Variants in IQCJ observed in about 807,000 individuals in gnomAD.
The protein encoded by IQCJ is IQ motif containing J, also known as IQ domain-containing protein J.
Under a neutral mutation model 11.0 loss-of-function variants are expected in IQCJ, and 9 were observed. The observed-to-expected ratio is 0.82, with a 90% confidence interval of 0.49 to 1.43. The LOEUF is 1.43. Among genes scored for constraint, IQCJ ranks in the 40% most tolerant of loss-of-function variants. IQCJ has a pLI of 0.00. For missense variants in IQCJ, 146 were observed against 133.2 expected (o/e 1.10, Z -0.47); for synonymous variants, 55 against 51.3 (o/e 1.07, Z -0.31).
At chr3:159,188,268 G>C (rs1040379466) in intron 1 of IQCJ, among the ~76,000 whole-genome samples, 6 of 152,072 alleles carry the variant, frequency 3.9e-5, no homozygotes, top group Admixed American at 3.9e-4. Context: ...AAATTAGCCG[G>C]GTGTGGTGGC....
chr3:159,176,074 A>G (rs1344124922), intron 1 of IQCJ, among the ~76,000 whole-genome samples: 2 of 152,132 alleles, frequency 1.3e-5, no homozygotes, highest in East Asian at 3.8e-4. Context: ...TTTGCCTTTA[A>G]TATAAGCTCT....
intron 1 of IQCJ, among the ~76,000 whole-genome samples, chr3:159,088,847 C>A (rs1374904367): frequency 1.3e-5 from 2 of 152,010 alleles, no homozygotes; most frequent in Non-Finnish European, 2.9e-5. Context: ...GAATACAGCA[C>A]CCTGATGGGT....
At chr3:159,257,864 C>G (rs144288401) in intron 3 of IQCJ, among the ~76,000 whole-genome samples, 1 of 152,118 alleles carries the variant, frequency 6.6e-6, no homozygotes, top group Non-Finnish European at 1.5e-5. Flanking sequence ...TTTGCTGAAC[C>G]GTAAGGAGGG....
chr3:159,132,889 C>T (rs1454439014), intron 1 of IQCJ, among the ~76,000 whole-genome samples: 7 of 152,196 alleles, frequency 4.6e-5, no homozygotes, highest in African/African-American at 1.7e-4. Context: ...AGAAGGAAAT[C>T]TGCCTCCCTG....
chr3:159,093,375 C>T (rs1311052364), intron 1 of IQCJ, among the ~76,000 whole-genome samples: 1 of 151,852 alleles, frequency 6.6e-6, no homozygotes, highest in African/African-American at 2.4e-5. Flanking sequence ...CTTCCAACTC[C>T]TTTTGCTAAC....
In IQCJ at chr3:159,175,817, C is replaced by T. The variant is rs141272115; in HGVS notation, c.10-70026C>T. Among the ~76,000 whole-genome samples the T allele has an allele frequency of 4.5e-3, 691 of 152,254 alleles. 5 individuals carry two copies. The highest frequency in any genetic ancestry group is 0.013 in the African/African-American group (531 of 41,538). On this transcript the variant is annotated intron_variant, in intron 1 of 3. Coordinates refer to ENST00000397832, the MANE Select transcript of IQCJ (RefSeq NM_001042706.3). ...TTTACCTTACAAGTCCTTGTATGCA[C>T]TAGATAAATGTTTAGAGCTGGAACT... is the stretch of plus-strand genomic sequence containing the variant.
chr3:159,077,644 C>T (rs1265069694), intron 1 of IQCJ, among the ~76,000 whole-genome samples: 1 of 152,058 alleles, frequency 6.6e-6, no homozygotes, highest in East Asian at 1.9e-4. Context: ...TATATATTTA[C>T]ATCCATTTGC....
At chr3:159,173,272 T>A (rs939028736) in intron 1 of IQCJ, among the ~76,000 whole-genome samples, 1 of 152,198 alleles carries the variant, frequency 6.6e-6, no homozygotes, top group Non-Finnish European at 1.5e-5. Flanking sequence ...GTACCAATCA[T>A]TTTTATAGTT....
rs1027454004 is a variant in IQCJ, at chr3:159,228,728, G to A, written c.10-17115G>A. On this transcript the variant is annotated intron_variant, in intron 1 of 3. Coordinates refer to ENST00000397832, the MANE Select transcript of IQCJ (RefSeq NM_001042706.3). ...GTGGCCAGGAGAGTGGCGTGAACCC[G>A]GGAGGCGGAGCTTGCAGTGAGCCGA... is the stretch of plus-strand genomic sequence containing the variant. Among the ~76,000 whole-genome samples the A allele has an allele frequency of 1.1e-4, 16 of 151,788 alleles. No homozygotes were observed. In the East Asian group the frequency reaches 2.1e-3, roughly 20 times the overall value.
chr3:159,175,349 T>A (rs1313688341), intron 1 of IQCJ, among the ~76,000 whole-genome samples: 2 of 152,268 alleles, frequency 1.3e-5, no homozygotes, highest in East Asian at 1.9e-4. Flanking sequence ...CGCATGCTTG[T>A]AGTCCCAGCT....
chr3:159,263,755 G>T (rs1208636999), downstream of IQCJ: 1 of 985,064 alleles, frequency 1.0e-6, no homozygotes, highest in Non-Finnish European at 1.2e-6. Flanking sequence ...AAATGGTTTT[G>T]CCTAGATATG....
At chr3:159,265,323 C>T, downstream of IQCJ, 2 of 1,613,830 alleles carry the variant, frequency 1.2e-6, no homozygotes, top group South Asian at 1.1e-5. Flanking sequence ...CTACCTTGAC[C>T]AGCTTGCCAG....
At chr3:159,115,159 A>C (rs1718893332) in intron 1 of IQCJ, among the ~76,000 whole-genome samples, 1 of 152,196 alleles carries the variant, frequency 6.6e-6, no homozygotes, top group African/African-American at 2.4e-5. Context: ...CCCAAATCTC[A>C]GTGGTTTCAT....
At chr3:159,150,438 G>A (rs1215989131) in intron 1 of IQCJ, among the ~76,000 whole-genome samples, 2 of 152,152 alleles carry the variant, frequency 1.3e-5, no homozygotes, top group Non-Finnish European at 2.9e-5. Context: ...ATGAATCCCT[G>A]TGAGTCTGGC....
chr3:159,194,341 C>T (rs1577072136), intron 1 of IQCJ, among the ~76,000 whole-genome samples: 1 of 152,164 alleles, frequency 6.6e-6, no homozygotes, highest in Non-Finnish European at 1.5e-5. Flanking sequence ...TTATATTAAC[C>T]ATGTCGATAG....
At chr3:159,105,508 T>C (rs1315796503) in intron 1 of IQCJ, among the ~76,000 whole-genome samples, 1 of 152,150 alleles carries the variant, frequency 6.6e-6, no homozygotes, top group Non-Finnish European at 1.5e-5. Context: ...GCTTACACTC[T>C]CATGGGGGGA....
chr3:159,150,583 AACACAC>A (rs373030886), intron 1 of IQCJ, among the ~76,000 whole-genome samples: 22 of 146,084 alleles, frequency 1.5e-4, no homozygotes, highest in African/African-American at 4.6e-4. Flanking sequence ...CATTGTCCCC[AACACAC>A]ACACACACAC....
intron 1 of IQCJ, among the ~76,000 whole-genome samples, chr3:159,155,788 C>T (rs1372146298): frequency 6.6e-6 from 1 of 151,936 alleles, no homozygotes; most frequent in East Asian, 1.9e-4. Context: ...ACTTGAAATT[C>T]TAGAAAAAAA....
At chr3:159,219,180 C>A (rs1275615549) in intron 1 of IQCJ, among the ~76,000 whole-genome samples, 1 of 152,088 alleles carries the variant, frequency 6.6e-6, no homozygotes, top group African/African-American at 2.4e-5. Context: ...ACTCTGTTTA[C>A]TAGAACCTTA....
Sources: gnomAD v4.1 joint callset for allele counts (sites outside exome capture counted in the v4.1 genomes callset) on GRCh38, gnomAD v4.1.1 for gene constraint, MANE v1.5 for transcripts, NCBI Gene and HGNC (gene_info 2026-07-23, HGNC 2026-07-21) for gene names.